Variants in TMEM117 observed in about 807,000 individuals in gnomAD.
The protein encoded by TMEM117 is transmembrane protein 117.
Under a neutral mutation model 52.4 loss-of-function variants are expected in TMEM117, and 27 were observed. That is an observed-to-expected ratio of 0.51 (90% CI 0.38 to 0.71). The LOEUF (loss-of-function observed/expected upper bound fraction) is 0.71, where lower values mean the gene tolerates loss of function less well. TMEM117 is among the 30% of genes least tolerant of loss of function. The probability of loss-of-function intolerance (pLI) is 0.00; values close to 1 mark genes in which losing one functional copy is unlikely to be tolerated. For synonymous variants in TMEM117, 215 were observed against 206.3 expected, an observed-to-expected ratio of 1.04 and a Z score of -0.36; for missense variants, 556 against 630.5, an observed-to-expected ratio of 0.88 and a Z score of 1.26.
intron 7 of TMEM117, among the ~76,000 whole-genome samples, chr12:44,377,106 G>A (rs1297567447): frequency 6.6e-6 from 1 of 152,174 alleles, no homozygotes; most frequent in African/African-American, 2.4e-5. Context: ...GCAAGGAAAT[G>A]TAGTCCTTAG....
At chr12:44,194,199 A>G (rs1010749105) in intron 4 of TMEM117, among the ~76,000 whole-genome samples, 1 of 152,194 alleles carries the variant, frequency 6.6e-6, no homozygotes, top group Admixed American at 6.5e-5. Context: ...GATAGAGAAT[A>G]TGTTTAATAT....
At chr12:43,964,292 A>G (rs1945449991) in intron 3 of TMEM117, among the ~76,000 whole-genome samples, 1 of 152,142 alleles carries the variant, frequency 6.6e-6, no homozygotes, top group East Asian at 1.9e-4. Context: ...GCACAAGGGC[A>G]TGGTAAGTGC....
intron 3 of TMEM117, among the ~76,000 whole-genome samples, chr12:43,964,314 AG>A (rs1475947328): frequency 2.0e-5 from 3 of 152,234 alleles, no homozygotes; most frequent in Non-Finnish European, 2.9e-5. Flanking sequence ...TGGGCCTGGG[AG>A]GGGGAGAACC....
intron 6 of TMEM117, among the ~76,000 whole-genome samples, chr12:44,321,481 T>A (rs943887258): frequency 1.3e-5 from 2 of 152,152 alleles, no homozygotes; most frequent in Non-Finnish European, 2.9e-5. Context: ...ATTCTGAACA[T>A]GGCAGACCCC....
chr12:44,352,656 T>G (rs1248520741), intron 6 of TMEM117, among the ~76,000 whole-genome samples: 1 of 152,182 alleles, frequency 6.6e-6, no homozygotes, highest in Non-Finnish European at 1.5e-5. Flanking sequence ...TAGTATTCCA[T>G]GGTGTATATG....
intron 3 of TMEM117, among the ~76,000 whole-genome samples, chr12:44,136,725 T>G (rs1245194681): frequency 1.3e-5 from 2 of 152,160 alleles, no homozygotes; most frequent in African/African-American, 2.4e-5. Flanking sequence ...ACTTTTTAAA[T>G]TATTCAACTG....
chr12:43,959,363 C>A (rs568182617), intron 3 of TMEM117, among the ~76,000 whole-genome samples: 1 of 152,096 alleles, frequency 6.6e-6, no homozygotes, highest in African/African-American at 2.4e-5. Flanking sequence ...CAGTTTCTGT[C>A]GTCACAGTTG....
intron 6 of TMEM117, among the ~76,000 whole-genome samples, chr12:44,335,474 T>C (rs1951328900): frequency 6.6e-6 from 1 of 152,052 alleles, no homozygotes; most frequent in Non-Finnish European, 1.5e-5. Flanking sequence ...CTTGTATCTG[T>C]TTTACAAAGG....
intron 2 of TMEM117, among the ~76,000 whole-genome samples, chr12:43,942,058 A>T (rs539450373): frequency 2.6e-5 from 4 of 152,232 alleles, no homozygotes; most frequent in African/African-American, 9.6e-5. Context: ...GTGCTTCATT[A>T]TCAACTGCTG....
chr12:43,997,881 AGTAAGTGTTG>A (rs1489797337), intron 3 of TMEM117, among the ~76,000 whole-genome samples: 1 of 152,200 alleles, frequency 6.6e-6, no homozygotes, highest in Non-Finnish European at 1.5e-5. Context: ...TCACATACCT[AGTAAGTGTTG>A]GTGCCCAGAT....
At chr12:44,156,052 G>T (rs781287264) in intron 4 of TMEM117, among the ~76,000 whole-genome samples, 2 of 152,052 alleles carry the variant, frequency 1.3e-5, no homozygotes, top group Non-Finnish European at 2.9e-5. Flanking sequence ...AGAACAACCG[G>T]AATCTTTGTA....
chr12:43,894,628 C>T (rs1037426631), intron 2 of TMEM117, among the ~76,000 whole-genome samples: 2 of 152,060 alleles, frequency 1.3e-5, no homozygotes, highest in Admixed American at 6.6e-5. Flanking sequence ...CATTTAGCTC[C>T]CACCTAGAAT....
chr12:43,974,717 TTAATA>T (rs1945644882), intron 3 of TMEM117, among the ~76,000 whole-genome samples: 1 of 152,186 alleles, frequency 6.6e-6, no homozygotes, highest in Non-Finnish European at 1.5e-5. Context: ...TATCATGTAT[TTAATA>T]TAATTTCCTC....
At chr12:43,873,821 T>A (rs548311550) in intron 2 of TMEM117, among the ~76,000 whole-genome samples, 11 of 152,216 alleles carry the variant, frequency 7.2e-5, no homozygotes, top group Non-Finnish European at 1.5e-4. Context: ...CTCTTAAAGC[T>A]TTGCTATTTT....
intron 2 of TMEM117, among the ~76,000 whole-genome samples, chr12:43,867,287 T>C (rs1302980245): frequency 6.6e-6 from 1 of 152,120 alleles, no homozygotes; most frequent in East Asian, 1.9e-4. Flanking sequence ...CTGTGATAAG[T>C]TAAAAAGGCA....
chr12:44,266,383 C>T (rs1262517412), intron 5 of TMEM117, among the ~76,000 whole-genome samples: 2 of 152,084 alleles, frequency 1.3e-5, no homozygotes, highest in Non-Finnish European at 2.9e-5. Flanking sequence ...CTATACTGAG[C>T]ATCTTTTTAT....
intron 6 of TMEM117, among the ~76,000 whole-genome samples, chr12:44,322,687 C>T (rs1014112182): frequency 2.6e-5 from 4 of 151,932 alleles, no homozygotes; most frequent in Non-Finnish European, 5.9e-5. Context: ...TTTAGTCTCA[C>T]GATGCAAAGT....
chr12:44,259,062 A>C (rs533062407), intron 5 of TMEM117, among the ~76,000 whole-genome samples: 13 of 152,282 alleles, frequency 8.5e-5, no homozygotes, highest in African/African-American at 2.9e-4. Flanking sequence ...AAAATATAAA[A>C]ATGTACTTCA....
chr12:44,080,132 A>C (rs1315573426), intron 3 of TMEM117, among the ~76,000 whole-genome samples: 7 of 152,144 alleles, frequency 4.6e-5, no homozygotes, highest in Non-Finnish European at 1.0e-4. Flanking sequence ...AGAAACACAA[A>C]ATTCTTTTCT....
Sources: allele counts gnomAD v4.1 joint callset (sites outside exome capture counted in the v4.1 genomes callset), GRCh38; gene constraint gnomAD v4.1.1; transcripts MANE v1.5; gene names NCBI Gene and HGNC (gene_info 2026-07-23, HGNC 2026-07-21).